IRAK2: variants seen among roughly 807,000 people sequenced by gnomAD.
IRAK2 encodes the protein interleukin 1 receptor associated kinase 2, also known as interleukin-1 receptor-associated kinase-like 2.
IRAK2 carries 57 observed loss-of-function variants against 72.0 expected under a neutral mutation model. The observed-to-expected ratio is 0.79, with a 90% CI of 0.64 to 0.99. The LOEUF is 0.99. Among genes scored for constraint, IRAK2 ranks in the 50% least tolerant of loss-of-function variants. The probability of loss-of-function intolerance (pLI) is 0.00; values close to 1 mark genes in which losing one functional copy is unlikely to be tolerated. For synonymous variants in IRAK2, 293 were observed against 312.7 expected, an observed-to-expected ratio of 0.94 and a Z score of 0.67; for missense variants, 790 against 794.4, an observed-to-expected ratio of 0.99 and a Z score of 0.07.
intron 1 of IRAK2, among the ~76,000 whole-genome samples, chr3:10,170,734 G>A (rs1226712002): frequency 6.6e-6 from 1 of 152,234 alleles, no homozygotes; most frequent in Non-Finnish European, 1.5e-5. Context: ...CCAGGCCTTG[G>A]TGTGGTGAGG....
intron 2 of IRAK2, among the ~76,000 whole-genome samples, chr3:10,197,865 A>AAT (rs1697295436): frequency 6.6e-6 from 1 of 150,694 alleles, no homozygotes; most frequent in Non-Finnish European, 1.5e-5. Flanking sequence ...AAAAAAAAAA[A>AAT]ATTATTTAAA....
At chr3:10,193,430 C>T (rs2125149043) in intron 2 of IRAK2, among the ~76,000 whole-genome samples, 1 of 148,990 alleles carries the variant, frequency 6.7e-6, no homozygotes, top group African/African-American at 2.5e-5. Flanking sequence ...ATGGCAAAAC[C>T]CTGTCTCTAC....
intron 11 of IRAK2, among the ~76,000 whole-genome samples, chr3:10,237,833 A>G (rs1324861282): frequency 6.6e-6 from 1 of 151,208 alleles, no homozygotes; most frequent in Non-Finnish European, 1.5e-5. Context: ...AAAGAAAGAA[A>G]GAAATGGATA....
At chr3:10,166,615 ATTCTTAT>A (rs1696692640) in intron 1 of IRAK2, among the ~76,000 whole-genome samples, 1 of 110,650 alleles carries the variant, frequency 9.0e-6, no homozygotes, top group South Asian at 2.8e-4. Context: ...AGTGTTAAAT[ATTCTTAT>A]AAGTCATAAG....
intron 2 of IRAK2, among the ~76,000 whole-genome samples, chr3:10,192,529 T>C (rs979379479): frequency 2.6e-5 from 4 of 152,224 alleles, no homozygotes; most frequent in African/African-American, 9.6e-5. Flanking sequence ...TAGGCTTCGC[T>C]TTCTTCAGAT....
rs201189451 is a variant in IRAK2, at chr3:10,167,155, A to C, written c.94+2107A>C. On this transcript the variant is annotated intron_variant, in intron 1 of 12. Coordinates refer to ENST00000256458, the MANE Select transcript of IRAK2 (RefSeq NM_001570.4). ...TACCATACAATCCACCTGTTTCAGG[A>C]GTACAATTTAGTGGTATTTAGTATA... Among the ~76,000 whole-genome samples the C allele has an allele frequency of 2.0e-5, 3 of 152,314 alleles. No individual in the cohort carries two copies. The East Asian group carries it at 5.8e-4, about 29-fold the overall frequency.
At chr3:10,202,625 C>A (rs9877206) in intron 3 of IRAK2, among the ~76,000 whole-genome samples, 104,014 of 150,280 alleles carry the variant, frequency 0.69, 37,074 homozygotes, top group Non-Finnish European at 0.77. Context: ...TCTGTCTCAA[C>A]ATAAAAATAA....
At chr3:10,172,747 A>T (rs1260568273) in intron 1 of IRAK2, among the ~76,000 whole-genome samples, 1 of 144,156 alleles carries the variant, frequency 6.9e-6, no homozygotes, top group Non-Finnish European at 1.5e-5. Context: ...CTGAGGTAGG[A>T]GAATTGTGTG....
At position 10,238,807 on chromosome 3, in the gene IRAK2, T is replaced by C. The variant is rs771655455; in HGVS notation, c.1533T>C (p.Pro511=). ...ERLRGRETLL[P]WSGLSEGTGS... ...TCCGAGGTCGGGAGACGTTGCTCCCTTGGAGTGGGCTTTCTGAGGGTACAG... is the reference window on the plus strand; with the variant it reads ...TCCGAGGTCGGGAGACGTTGCTCCCCTGGAGTGGGCTTTCTGAGGGTACAG... Residue 511 remains proline, a synonymous_variant, in exon 12 of 13, where the codon CCT becomes CCC. Coordinates refer to ENST00000256458, the MANE Select transcript of IRAK2 (RefSeq NM_001570.4). The C allele has an allele frequency of 6.2e-7, 1 of 1,614,092 alleles. No homozygotes were observed. Among genetic ancestry groups the C allele is most frequent in the Non-Finnish European group, 8.5e-7 (1 of 1,179,982 alleles).
Position 10,184,878 on chromosome 3 carries a change from C to T in IRAK2, c.277+6858C>T, listed in dbSNP as rs575540831. On this transcript the variant is annotated intron_variant, in intron 2 of 12. Transcript: ENST00000256458. ...CCGAGTAGCTGGGACTACAGGCGCC[C>T]GCCACCATGCCCGGCTATTTTTTTA... 4.8e-3 allele frequency among the ~76,000 whole-genome samples: 715 copies of T among 149,636 alleles called. 25 individuals carry two copies. Among genetic ancestry groups the T allele is most frequent in the African/African-American group, 0.017 (671 of 39,478 alleles).
chr3:10,195,427 C>T (rs1303030029), intron 2 of IRAK2, among the ~76,000 whole-genome samples: 1 of 152,054 alleles, frequency 6.6e-6, no homozygotes, highest in African/African-American at 2.4e-5. Flanking sequence ...GTGGTGTTGC[C>T]TGTAATCCCA....
At chr3:10,202,740 A>G (rs1697381473) in intron 3 of IRAK2, among the ~76,000 whole-genome samples, 2 of 121,390 alleles carry the variant, frequency 1.6e-5, no homozygotes, top group Admixed American at 1.1e-4. Flanking sequence ...TGCCCAGGCT[A>G]GGTGACGGTG....
At chr3:10,211,051 C>T (rs1296575251) in intron 4 of IRAK2, among the ~76,000 whole-genome samples, 6 of 151,666 alleles carry the variant, frequency 4.0e-5, no homozygotes, top group Non-Finnish European at 8.8e-5. Context: ...TTAGTGGAGA[C>T]AGGGTTTCGC....
chr3:10,215,751 TACAC>T (rs145978380), intron 6 of IRAK2, among the ~76,000 whole-genome samples: 57 of 150,118 alleles, frequency 3.8e-4, no homozygotes, highest in East Asian at 6.0e-4. Context: ...CTCACATGTG[TACAC>T]ACACACACAC....
intron 2 of IRAK2, among the ~76,000 whole-genome samples, chr3:10,192,823 G>A (rs759092099): frequency 6.6e-6 from 1 of 152,244 alleles, no homozygotes; most frequent in African/African-American, 2.4e-5. Flanking sequence ...GGAGGGTGAG[G>A]TAGGACAATC....
intron 3 of IRAK2, among the ~76,000 whole-genome samples, chr3:10,204,924 C>A (rs1338815511): frequency 5.3e-5 from 8 of 152,174 alleles, no homozygotes; most frequent in African/African-American, 1.7e-4. Context: ...CAAGCCCCAT[C>A]TATCACTATC....
intron 2 of IRAK2, among the ~76,000 whole-genome samples, chr3:10,179,594 C>T (rs559677562): frequency 2.7e-4 from 41 of 152,148 alleles, no homozygotes; most frequent in African/African-American, 7.2e-4. Flanking sequence ...CCACCATGCC[C>T]GGCTAATTTT....
chr3:10,171,047 G>A (rs1211950743), intron 1 of IRAK2, among the ~76,000 whole-genome samples: 2 of 152,210 alleles, frequency 1.3e-5, no homozygotes, highest in Non-Finnish European at 2.9e-5. Context: ...AGACAGCCAC[G>A]CTCTTTCAGA....
intron 2 of IRAK2, among the ~76,000 whole-genome samples, chr3:10,190,002 C>T (rs533490132): frequency 1.3e-5 from 2 of 151,728 alleles, no homozygotes; most frequent in African/African-American, 4.8e-5. Context: ...TGATATGTGC[C>T]AGGTAAGCAT....
Sources: allele counts gnomAD v4.1 joint callset (sites outside exome capture counted in the v4.1 genomes callset), GRCh38; gene constraint gnomAD v4.1.1; transcripts MANE v1.5; gene names NCBI Gene and HGNC (gene_info 2026-07-23, HGNC 2026-07-21).